Variants in SPON1 observed in about 807,000 individuals in gnomAD.
The protein encoded by SPON1 is spondin-1.
A neutral mutation model predicts 111.7 loss-of-function variants in SPON1; 52 were observed. The observed-to-expected ratio is 0.47, with a 90% CI of 0.37 to 0.59. SPON1 has a LOEUF of 0.59. SPON1 is among the 20% of genes least tolerant of loss of function. The pLI is 0.00. For synonymous variants in SPON1, 410 were observed against 395.8 expected (o/e 1.04, Z -0.43); for missense variants, 957 against 1,068.5 (o/e 0.90, Z 1.46).
chr11:14,121,682 A>G (rs980014060), intron 5 of SPON1, among the ~76,000 whole-genome samples: 18 of 152,132 alleles, frequency 1.2e-4, no homozygotes, highest in Non-Finnish European at 2.1e-4. Context: ...CATATTTCCC[A>G]TTTCCAGCAC....
intron 2 of SPON1, among the ~76,000 whole-genome samples, chr11:14,002,902 C>T (rs1848330649): frequency 6.6e-6 from 1 of 152,154 alleles, no homozygotes. Flanking sequence ...TAGGACCCCA[C>T]ATCTCCTCCA....
chr11:14,236,359 A>C (rs1196065573), intron 6 of SPON1, among the ~76,000 whole-genome samples: 1 of 152,134 alleles, frequency 6.6e-6, no homozygotes, highest in Non-Finnish European at 1.5e-5. Context: ...TGGAACTGAA[A>C]GTACGGCATT....
intron 6 of SPON1, among the ~76,000 whole-genome samples, chr11:14,222,028 C>T (rs1848686182): frequency 6.6e-6 from 1 of 152,228 alleles, no homozygotes; most frequent in Non-Finnish European, 1.5e-5. Flanking sequence ...ATACTGGAGT[C>T]ATGTTGGCAC....
chr11:14,217,236 G>C (rs61287988), intron 6 of SPON1, among the ~76,000 whole-genome samples: 4 of 152,140 alleles, frequency 2.6e-5, no homozygotes, highest in African/African-American at 9.7e-5. Context: ...TCACAGTTCG[G>C]TTGTTTCAGC....
At chr11:14,156,522 G>T (rs1289080111) in intron 6 of SPON1, among the ~76,000 whole-genome samples, 2 of 150,448 alleles carry the variant, frequency 1.3e-5, no homozygotes, top group African/African-American at 2.4e-5. Context: ...GTCAATTTTG[G>T]CTTTTGTTGC....
chr11:14,012,136 A>C (rs1848410052), intron 2 of SPON1, among the ~76,000 whole-genome samples: 1 of 152,142 alleles, frequency 6.6e-6, no homozygotes, highest in Non-Finnish European at 1.5e-5. Flanking sequence ...GTTCGTTGAC[A>C]CTTTATCTCC....
chr11:14,139,709 A>AATATAT (rs57464043), intron 6 of SPON1, among the ~76,000 whole-genome samples: 14 of 145,434 alleles, frequency 9.6e-5, no homozygotes, highest in Non-Finnish European at 1.7e-4. Flanking sequence ...AAACATGTAA[A>AATATAT]ATATATATAT....
chr11:14,252,445 G>A (rs1211811122), intron 7 of SPON1, among the ~76,000 whole-genome samples: 1 of 147,424 alleles, frequency 6.8e-6, no homozygotes, highest in Non-Finnish European at 1.5e-5. Flanking sequence ...TGGGAATCCA[G>A]CGCTATGTAC....
Position 14,135,119 on chromosome 11 carries a change from G to A in SPON1, c.677-301G>A, listed in dbSNP as rs1168779298. 2 of 234,320 alleles carry A rather than the reference G, an allele frequency of 8.5e-6. No homozygotes were observed. Among genetic ancestry groups the A allele is most frequent in the Non-Finnish European group, 1.7e-5 (2 of 120,044 alleles). 14.5% of individuals were successfully genotyped at this position (234,320 alleles called of 1,614,324 possible). The stretch of plus-strand genomic sequence containing the variant: ...CTACTCTATTTTGCCTTACAAATAT[G>A]ATCAGCCTTTAACGTTCTCTCAACT... On this transcript the variant is annotated intron_variant, in intron 5 of 15. Transcript: ENST00000576479. This position sits in a 1 kb window ranked among gnomAD's most constrained non-coding sequence, Gnocchi z 4.4.
intron 7 of SPON1, among the ~76,000 whole-genome samples, chr11:14,251,470 G>T (rs1313854272): frequency 6.6e-6 from 1 of 152,224 alleles, no homozygotes; most frequent in Non-Finnish European, 1.5e-5. Flanking sequence ...TGGCTGGGCA[G>T]GTTCCAGGGT....
In SPON1 at chr11:14,268,024, T is replaced by G. The variant is rs564730613; in HGVS notation, c.*2337T>G. 6.6e-6 allele frequency: 1 copy of G among 152,202 alleles called. No homozygotes were observed. Among genetic ancestry groups the G allele is most frequent in the Non-Finnish European group, 1.5e-5 (1 of 68,036 alleles). 9.4% of individuals were successfully genotyped at this position (152,202 alleles called of 1,614,324 possible). The stretch of plus-strand genomic sequence containing the variant: ...GACATTGGGTCACTCACTGGTCACC[T>G]TGCCAGTGCATTTTATTAGAAGGGA... On this transcript the variant is annotated 3_prime_UTR_variant, in exon 16 of 16. Coordinates refer to ENST00000576479, the MANE Select transcript of SPON1 (RefSeq NM_006108.4).
At chr11:14,127,776 ACT>A (rs1847477679) in intron 5 of SPON1, among the ~76,000 whole-genome samples, 1 of 152,152 alleles carries the variant, frequency 6.6e-6, no homozygotes, top group African/African-American at 2.4e-5. Context: ...ACTACCTGAG[ACT>A]CTAATGTAAA....
intron 6 of SPON1, among the ~76,000 whole-genome samples, chr11:14,226,317 C>T (rs1315895568): frequency 1.3e-5 from 2 of 152,158 alleles, no homozygotes; most frequent in Non-Finnish European, 2.9e-5. Flanking sequence ...CCAGTGAACC[C>T]ACTGGAAGCT....
At chr11:13,981,645 A>T (rs529961857) in intron 1 of SPON1, among the ~76,000 whole-genome samples, 2 of 152,334 alleles carry the variant, frequency 1.3e-5, no homozygotes, top group South Asian at 4.1e-4. Context: ...TTTAACGGAA[A>T]AATCGTTTCC....
intron 8 of SPON1, 45 bp downstream of exon 8, chr11:14,254,774 G>C: frequency 6.3e-7 from 1 of 1,576,352 alleles, no homozygotes; most frequent in Non-Finnish European, 8.7e-7. Flanking sequence ...TTGCCTACCC[G>C]CTTCCTGAGT....
chr11:13,982,166 ATATG>A (rs60172146), intron 1 of SPON1, among the ~76,000 whole-genome samples: 3,427 of 151,084 alleles, frequency 0.023, 127 homozygotes, highest in African/African-American at 0.078. Flanking sequence ...AAACTTTATC[ATATG>A]TATGTATGTA....
chr11:14,238,980 G>C (rs1298168199), intron 6 of SPON1, among the ~76,000 whole-genome samples: 2 of 152,208 alleles, frequency 1.3e-5, no homozygotes, highest in African/African-American at 2.4e-5. Context: ...CTGTGCCTTA[G>C]AGACTTGTTA....
intron 2 of SPON1, among the ~76,000 whole-genome samples, chr11:13,993,536 G>A (rs1047456331): frequency 6.6e-6 from 1 of 152,084 alleles, no homozygotes; most frequent in South Asian, 2.1e-4. Context: ...TCTGATCAGC[G>A]GTCCCTTTCC....
intron 6 of SPON1, among the ~76,000 whole-genome samples, chr11:14,169,590 TG>T (rs1848072631): frequency 6.6e-6 from 1 of 151,556 alleles, no homozygotes; most frequent in Non-Finnish European, 1.5e-5. Context: ...ATCTCCTGAA[TG>T]GTATTGCCTA....
Sources: allele counts gnomAD v4.1 joint callset (sites outside exome capture counted in the v4.1 genomes callset), GRCh38; gene constraint gnomAD v4.1.1; non-coding constraint Gnocchi (gnomAD v3.1); transcripts MANE v1.5; gene names NCBI Gene and HGNC (gene_info 2026-07-23, HGNC 2026-07-21).